The following PCDH15 variants were observed in gnomAD, a reference collection of about 807,000 sequenced individuals.
PCDH15 encodes the protein protocadherin related 15, also known as protocadherin-15.
In PCDH15, 129 loss-of-function variants were observed where a neutral mutation model predicts 178.5. That is an observed-to-expected ratio of 0.72 (90% CI 0.63 to 0.84). PCDH15 has a LOEUF of 0.84. PCDH15 is among the 40% of genes least tolerant of loss of function. PCDH15 has a pLI of 0.00. For synonymous variants in PCDH15, 800 were observed against 732.0 expected (o/e 1.09, Z -1.50); for missense variants, 2,230 against 2,099.9 (o/e 1.06, Z -1.21).
intron 2 of PCDH15, among the ~76,000 whole-genome samples, chr10:54,625,153 G>A (rs2093504963): frequency 6.6e-6 from 1 of 152,104 alleles, no homozygotes; most frequent in Admixed American, 6.6e-5. Flanking sequence ...GCCCAGTTGT[G>A]TTTGCTAACT....
At chr10:55,196,680 G>C (rs1426945497) in intron 1 of PCDH15, among the ~76,000 whole-genome samples, 2 of 151,956 alleles carry the variant, frequency 1.3e-5, no homozygotes, top group African/African-American at 4.8e-5. Flanking sequence ...TTCATTAATG[G>C]TAATCGCTTG....
chr10:54,399,198 A>G (rs1589217112), intron 3 of PCDH15, among the ~76,000 whole-genome samples: 1 of 152,010 alleles, frequency 6.6e-6, no homozygotes, highest in Admixed American at 6.6e-5. Flanking sequence ...TATGCTACCT[A>G]CTCTCAGTGA....
Position 54,020,394 on chromosome 10 carries a change from G to C in PCDH15, c.2549C>G (p.Ala850Gly). The change falls in exon 20 of 38, where the codon GCA becomes GGA. Residue 850 changes from alanine (A) to glycine (G), a missense_variant. By Grantham distance (60) the Ala-to-Gly change is moderately conservative. Coordinates refer to ENST00000644397, the MANE Select transcript of PCDH15 (RefSeq NM_001384140.1). ...GCTTCTTATCCGGTAAGACACATTT[G>C]CTCCAAGGTCGACATCTTTGGCCTG... ...QIEAKDVDLGANVSYRIRSPE... is the reference protein window; with the variant it reads ...QIEAKDVDLGGNVSYRIRSPE... 6.2e-7 allele frequency: 1 copy of C among 1,613,724 alleles called. No individual in the cohort carries two copies. Among genetic ancestry groups the C allele is most frequent in the Non-Finnish European group, 8.5e-7 (1 of 1,179,748 alleles).
At chr10:54,549,688 AAAGTTT>A (rs2086318596) in intron 2 of PCDH15, among the ~76,000 whole-genome samples, 1 of 151,852 alleles carries the variant, frequency 6.6e-6, no homozygotes, top group African/African-American at 2.4e-5. Flanking sequence ...TGTCCACTGG[AAAGTTT>A]AAGTATATTT....
intron 2 of PCDH15, among the ~76,000 whole-genome samples, chr10:55,127,774 A>G (rs1214348610): frequency 6.6e-6 from 1 of 152,032 alleles, no homozygotes; most frequent in African/African-American, 2.4e-5. Flanking sequence ...TCTTGCAATC[A>G]TTTACGTATA....
chr10:55,055,978 T>A (rs917688805), intron 2 of PCDH15, among the ~76,000 whole-genome samples: 1 of 152,164 alleles, frequency 6.6e-6, no homozygotes, highest in African/African-American at 2.4e-5. Flanking sequence ...CTTTCATTCA[T>A]ACTCAAATAT....
intron 2 of PCDH15, among the ~76,000 whole-genome samples, chr10:55,330,331 T>G (rs1012793031): frequency 4.6e-5 from 7 of 151,814 alleles, no homozygotes; most frequent in African/African-American, 1.7e-4. Context: ...GCATCACTGA[T>G]GAAAACCACT....
chr10:55,334,221 C>CATATATATATATATATATAT (rs34468887), intron 2 of PCDH15, among the ~76,000 whole-genome samples: 20 of 62,808 alleles, frequency 3.2e-4, no homozygotes, highest in African/African-American at 1.6e-3. Flanking sequence ...TAGGGTGCTC[C>CATATATATATATATATATAT]ATATATATAT....
intron 1 of PCDH15, among the ~76,000 whole-genome samples, chr10:54,727,408 C>A (rs574050898): frequency 2.0e-5 from 3 of 151,464 alleles, no homozygotes; most frequent in East Asian, 3.9e-4. Flanking sequence ...ACTAATGAAA[C>A]AAAGATACAA....
intron 1 of PCDH15, among the ~76,000 whole-genome samples, chr10:55,317,478 G>GT (rs11357324): frequency 0.011 from 1,593 of 149,890 alleles, 25 homozygotes; most frequent in African/African-American, 0.036. Context: ...GCTTAATAGT[G>GT]TTTTTTTTTT....
chr10:55,023,432 GA>G (rs2131957380), intron 2 of PCDH15, among the ~76,000 whole-genome samples: 1 of 152,140 alleles, frequency 6.6e-6, no homozygotes, highest in East Asian at 1.9e-4. Context: ...CAACATCTTT[GA>G]AAAACTACAA....
intron 1 of PCDH15, among the ~76,000 whole-genome samples, chr10:54,722,594 A>AAGAT (rs199655695): frequency 6.7e-6 from 1 of 149,126 alleles, no homozygotes; most frequent in African/African-American, 2.5e-5. Flanking sequence ...AAAAAAAAAA[A>AAGAT]TGTCAAATTA....
chr10:53,893,369 AT>A (rs1486925694), intron 26 of PCDH15, among the ~76,000 whole-genome samples: 1 of 152,230 alleles, frequency 6.6e-6, no homozygotes, highest in East Asian at 1.9e-4. Context: ...TTAATGTAAA[AT>A]GTATTTTACT....
At chr10:55,224,821 C>T (rs1840981464) in intron 1 of PCDH15, among the ~76,000 whole-genome samples, 1 of 152,066 alleles carries the variant, frequency 6.6e-6, no homozygotes, top group Non-Finnish European at 1.5e-5. Context: ...CTTTCAGCCA[C>T]ATACTTCTTT....
At chr10:54,903,692 T>C (rs1210528927) in intron 2 of PCDH15, among the ~76,000 whole-genome samples, 2 of 152,094 alleles carry the variant, frequency 1.3e-5, no homozygotes, top group Admixed American at 6.5e-5. Flanking sequence ...TTATTGTAGG[T>C]ATGACCATGA....
chr10:54,911,858 C>A (rs561870417), intron 2 of PCDH15, among the ~76,000 whole-genome samples: 20 of 152,284 alleles, frequency 1.3e-4, no homozygotes, highest in African/African-American at 3.8e-4. Flanking sequence ...TTTCCTGAGG[C>A]CTCCCAGCCA....
At position 54,583,305 on chromosome 10, in the gene PCDH15, G is replaced by A. The variant is rs1456998095; in HGVS notation, c.92-55428C>T. On this transcript the variant is annotated intron_variant, in intron 2 of 37. Transcript: ENST00000644397. ...TAGACTATTATACCAAACAATTGAG[G>A]AATTAGAATGATTCTATAATGTCTT... Among the ~76,000 whole-genome samples the A allele has an allele frequency of 2.6e-5, 4 of 151,938 alleles. No homozygotes were observed. In the East Asian group the frequency reaches 7.7e-4, roughly 29 times the overall value.
chr10:55,358,560 TG>T (rs1845136553), intron 2 of PCDH15, among the ~76,000 whole-genome samples: 1 of 152,118 alleles, frequency 6.6e-6, no homozygotes, highest in East Asian at 1.9e-4. Flanking sequence ...AGAGTGTAGT[TG>T]TTGTAATAAT....
At chr10:54,594,779 TC>T (rs1297869666) in intron 2 of PCDH15, among the ~76,000 whole-genome samples, 1 of 151,944 alleles carries the variant, frequency 6.6e-6, no homozygotes, top group Non-Finnish European at 1.5e-5. Flanking sequence ...CCATCCCTTC[TC>T]CCCCTGTTGC....
Sources: allele counts gnomAD v4.1 joint callset (sites outside exome capture counted in the v4.1 genomes callset), GRCh38; gene constraint gnomAD v4.1.1; transcripts MANE v1.5; gene names NCBI Gene and HGNC (gene_info 2026-07-23, HGNC 2026-07-21).